The following ESR1 variants were observed in gnomAD, a reference collection of about 807,000 sequenced individuals.
The protein encoded by ESR1 is estrogen receptor.
Under a neutral mutation model 52.7 loss-of-function variants are expected in ESR1, and 12 were observed. The ratio of observed to expected loss-of-function variants is 0.23; its 90% CI spans 0.15 to 0.37. ESR1 has a LOEUF of 0.37. Ranked by LOEUF, ESR1 falls within the 10% of genes least tolerant of loss-of-function variation. The pLI is 1.00. For synonymous variants in ESR1, 305 were observed against 316.8 expected (o/e 0.96, Z 0.39); for missense variants, 584 against 779.7 (o/e 0.75, Z 2.99).
chr6:152,116,329 C>A (rs1388859980), intron 6 of ESR1, among the ~76,000 whole-genome samples: 1 of 152,072 alleles, frequency 6.6e-6, no homozygotes, highest in Non-Finnish European at 1.5e-5. Flanking sequence ...CTGGAAGAAA[C>A]CAGTGGTTGA....
chr6:151,789,510 T>C (rs1787325386), intron 2 of ESR1, among the ~76,000 whole-genome samples: 2 of 152,126 alleles, frequency 1.3e-5, no homozygotes, highest in African/African-American at 4.8e-5. Context: ...TTGGGGGCAG[T>C]GGGGAGGGTG....
At chr6:151,959,504 T>C (rs570289127) in intron 4 of ESR1, among the ~76,000 whole-genome samples, 2 of 152,220 alleles carry the variant, frequency 1.3e-5, no homozygotes, top group Non-Finnish European at 2.9e-5. Flanking sequence ...TATTCCTATA[T>C]GTCACTGAAG....
chr6:152,041,833 A>T (rs992021105), intron 5 of ESR1, among the ~76,000 whole-genome samples: 1 of 152,230 alleles, frequency 6.6e-6, no homozygotes, highest in African/African-American at 2.4e-5. Context: ...GCTGGGCCTT[A>T]TGGACAGGAA....
intron 3 of ESR1, among the ~76,000 whole-genome samples, chr6:151,898,384 A>ATTTTTTTTTTTTTTCTTTTTTTTT (rs1795878749): frequency 9.9e-6 from 1 of 101,220 alleles, no homozygotes; most frequent in African/African-American, 3.5e-5. Context: ...GGTTTTGTTC[A>ATTTTTTTTTTTTTTCTTTTTTTTT]TTTTTTTTTT....
intron 6 of ESR1, among the ~76,000 whole-genome samples, chr6:152,115,466 C>A (rs1353126155): frequency 6.6e-6 from 1 of 151,918 alleles, no homozygotes; most frequent in Non-Finnish European, 1.5e-5. Flanking sequence ...AAAAATAATT[C>A]CAGATAGATT....
At chr6:152,092,281 C>G (rs1282238998) in intron 6 of ESR1, among the ~76,000 whole-genome samples, 1 of 152,200 alleles carries the variant, frequency 6.6e-6, no homozygotes, top group Non-Finnish European at 1.5e-5. Flanking sequence ...GATCAAGGTG[C>G]CCCAGGGTAC....
chr6:152,054,652 A>C (rs1365529879), intron 5 of ESR1, among the ~76,000 whole-genome samples: 2 of 152,112 alleles, frequency 1.3e-5, no homozygotes, highest in African/African-American at 4.8e-5. Context: ...ACCACTCTTC[A>C]CAGTCTGACT....
chr6:152,075,689 C>A (rs2048684316), intron 6 of ESR1, among the ~76,000 whole-genome samples: 2 of 152,196 alleles, frequency 1.3e-5, no homozygotes, highest in Admixed American at 6.5e-5. Context: ...CAAACCAGAA[C>A]CAAGATGATA....
intron 3 of ESR1, 123 bp from the exon 4 acceptor site, chr6:151,944,050 C>T: frequency 1.3e-6 from 1 of 772,846 alleles, no homozygotes; most frequent in Non-Finnish European, 2.1e-6. Flanking sequence ...CACTTACCAG[C>T]TCACCTGTGC....
chr6:152,059,322 T>A (rs529914805), intron 5 of ESR1, among the ~76,000 whole-genome samples: 5 of 151,776 alleles, frequency 3.3e-5, no homozygotes, highest in Admixed American at 6.5e-5. Context: ...AAAATTTTTT[T>A]ATTTATTTTT....
At position 151,923,740 on chromosome 6, in the gene ESR1, T is replaced by C. The variant is rs531733211; in HGVS notation, c.761-20433T>C. On this transcript the variant is annotated intron_variant, in intron 3 of 7. Coordinates refer to ENST00000206249, the MANE Select transcript of ESR1 (RefSeq NM_000125.4). ...AATCTCTTGATTGCTTCTAAATTCA[T>C]GGCAATTATGAATGAAACTGCTCTA... 3.3e-5 allele frequency among the ~76,000 whole-genome samples: 5 copies of C among 152,356 alleles called. No individual in the cohort carries two copies. In the South Asian group the frequency reaches 1.0e-3, roughly 32 times the overall value.
At chr6:151,922,256 C>G (rs946669240) in intron 3 of ESR1, among the ~76,000 whole-genome samples, 1 of 152,034 alleles carries the variant, frequency 6.6e-6, no homozygotes, top group Non-Finnish European at 1.5e-5. Context: ...AACTGGCTAG[C>G]CACATACAGA....
intron 6 of ESR1, among the ~76,000 whole-genome samples, chr6:152,091,754 TAAG>T (rs940617083): frequency 2.6e-4 from 39 of 151,864 alleles, no homozygotes; most frequent in Middle Eastern, 3.4e-3. Context: ...GTGCAAACAA[TAAG>T]AAGAGAAGAG....
intron 1 of ESR1, among the ~76,000 whole-genome samples, chr6:151,828,785 A>C (rs1193518660): frequency 6.6e-6 from 1 of 152,226 alleles, no homozygotes; most frequent in Non-Finnish European, 1.5e-5. Flanking sequence ...CTGCAACTCT[A>C]TACATTTCCC....
At chr6:152,060,051 C>T (rs1205737421) in intron 5 of ESR1, among the ~76,000 whole-genome samples, 1 of 151,902 alleles carries the variant, frequency 6.6e-6, no homozygotes, top group Non-Finnish European at 1.5e-5. Context: ...ACACATCATG[C>T]CAAAATTCAA....
At chr6:151,962,019 A>G (rs2037731120) in intron 4 of ESR1, among the ~76,000 whole-genome samples, 1 of 152,110 alleles carries the variant, frequency 6.6e-6, no homozygotes, top group Non-Finnish European at 1.5e-5. Flanking sequence ...ATGCTGATGA[A>G]TGACTGTGGA....
chr6:152,087,138 A>G (rs3778092), intron 6 of ESR1, among the ~76,000 whole-genome samples: 17,196 of 152,114 alleles, frequency 0.11, 1,222 homozygotes, highest in East Asian at 0.33. Flanking sequence ...ATTGGTTGCT[A>G]TGAAGTATGT....
At chr6:152,009,935 C>T (rs1413433627) in intron 4 of ESR1, among the ~76,000 whole-genome samples, 1 of 152,024 alleles carries the variant, frequency 6.6e-6, no homozygotes, top group East Asian at 1.9e-4. Context: ...TACATACAAC[C>T]ACATGGCTAA....
intron 2 of ESR1, among the ~76,000 whole-genome samples, chr6:151,772,107 C>A (rs1785568705): frequency 6.6e-6 from 1 of 152,172 alleles, no homozygotes; most frequent in African/African-American, 2.4e-5. Context: ...TATGGTAAAG[C>A]AAGCAATGTG....
Sources: allele counts gnomAD v4.1 joint callset (sites outside exome capture counted in the v4.1 genomes callset), GRCh38; gene constraint gnomAD v4.1.1; transcripts MANE v1.5; gene names NCBI Gene and HGNC (gene_info 2026-07-23, HGNC 2026-07-21).